Variants in TENM3 observed in about 807,000 individuals in gnomAD.
The protein encoded by TENM3 is teneurin-3.
TENM3 carries 63 observed loss-of-function variants against 255.1 expected under a neutral mutation model. The ratio of observed to expected loss-of-function variants is 0.25; its 90% CI spans 0.20 to 0.30. The LOEUF (loss-of-function observed/expected upper bound fraction) is 0.30. Ranked by LOEUF, TENM3 falls within the 10% of genes least tolerant of loss-of-function variation. The pLI is 1.00. For synonymous variants in TENM3, 1,306 were observed against 1,322.3 expected, an observed-to-expected ratio of 0.99 and a Z score of 0.27; for missense variants, 2,929 against 3,461.1, an observed-to-expected ratio of 0.85 and a Z score of 3.86.
chr4:182,326,000 C>T (rs1226679184), intron 2 of TENM3, among the ~76,000 whole-genome samples: 2 of 152,142 alleles, frequency 1.3e-5, no homozygotes, highest in Non-Finnish European at 1.5e-5. Flanking sequence ...TTTGTAGAAG[C>T]CCTGAAACGG....
At chr4:181,605,820 T>G in the TENM3 span, among the ~76,000 whole-genome samples, 1 of 152,318 alleles carries the variant, frequency 6.6e-6, no homozygotes, top group African/African-American at 2.4e-5. Flanking sequence ...AGTTAGCAGT[T>G]AAAATCTTTT....
the TENM3 span, among the ~76,000 whole-genome samples, chr4:182,003,556 A>G: frequency 3.9e-5 from 6 of 152,044 alleles, no homozygotes; most frequent in African/African-American, 1.4e-4. Context: ...TAATGATTTG[A>G]TTTTTTTGCA....
intron 3 of TENM3, among the ~76,000 whole-genome samples, chr4:182,372,087 A>G (rs1278879671): frequency 6.6e-6 from 1 of 152,216 alleles, no homozygotes; most frequent in Non-Finnish European, 1.5e-5. Context: ...ATTAACAAAA[A>G]TAACTTGCTA....
At chr4:181,698,807 T>G in the TENM3 span, among the ~76,000 whole-genome samples, 2 of 152,236 alleles carry the variant, frequency 1.3e-5, no homozygotes, top group Non-Finnish European at 2.9e-5. Context: ...ATTTAAAAAG[T>G]GATTTTCAAT....
chr4:181,616,055 C>CA, the TENM3 span, among the ~76,000 whole-genome samples: 18 of 151,788 alleles, frequency 1.2e-4, no homozygotes, highest in East Asian at 2.1e-3. Context: ...GTTTCCCCCC[C>CA]ACACTTTGGC....
chr4:181,605,635 AG>A, the TENM3 span, among the ~76,000 whole-genome samples: 12 of 152,232 alleles, frequency 7.9e-5, no homozygotes, highest in Non-Finnish European at 1.6e-4. Context: ...CAAGCAAACC[AG>A]CACCACATAT....
chr4:181,772,733 A>T, the TENM3 span, among the ~76,000 whole-genome samples: 3 of 152,208 alleles, frequency 2.0e-5, no homozygotes, highest in Non-Finnish European at 4.4e-5. Context: ...AACCAAATGA[A>T]ATCACGTCAT....
chr4:182,595,305 C>T lies in TENM3; in HGVS notation c.512-5619C>T, dbSNP rs529763853. Among the ~76,000 whole-genome samples, 92 of 152,016 alleles carry T rather than the reference C, an allele frequency of 6.1e-4. 1 individual carries two copies. The South Asian group carries it at 0.01, about 17-fold the overall frequency. The stretch of plus-strand genomic sequence containing the variant: ...CTTACATTTGCTTGGAACTGGGGGC[C>T]GGTAAGCTGCTTACACTGTAATCTA... On this transcript the variant is annotated intron_variant, in intron 3 of 27. Transcript: ENST00000511685.
At chr4:182,081,944 A>C in the TENM3 span, 2 of 152,240 alleles carry the variant, frequency 1.3e-5, no homozygotes, top group African/African-American at 4.8e-5. Flanking sequence ...TGATGATACC[A>C]AAACCCTATT....
chr4:182,080,206 AC>A, the TENM3 span, among the ~76,000 whole-genome samples: 1 of 152,192 alleles, frequency 6.6e-6, no homozygotes, highest in Non-Finnish European at 1.5e-5. Flanking sequence ...AAATAGTTCC[AC>A]CTGAGGCCAG....
intron 3 of TENM3, among the ~76,000 whole-genome samples, chr4:182,450,003 T>C (rs1271026004): frequency 6.6e-6 from 1 of 152,210 alleles, no homozygotes; most frequent in Non-Finnish European, 1.5e-5. Context: ...GAATATCTTA[T>C]AAATGATATA....
At chr4:182,223,675 A>G (rs906835857) in intron 1 of TENM3, among the ~76,000 whole-genome samples, 12 of 151,228 alleles carry the variant, frequency 7.9e-5, no homozygotes, top group South Asian at 2.1e-4. Flanking sequence ...TTAAATCTTC[A>G]TAGTTGATCT....
intron 5 of TENM3, among the ~76,000 whole-genome samples, chr4:182,640,641 A>C (rs1187082092): frequency 1.3e-5 from 2 of 152,210 alleles, no homozygotes; most frequent in Non-Finnish European, 2.9e-5. Context: ...TAAAATAAGA[A>C]AGTGGGCCAT....
chr4:182,218,120 C>A (rs879899899), intron 1 of TENM3, among the ~76,000 whole-genome samples: 6 of 152,090 alleles, frequency 3.9e-5, no homozygotes, highest in Non-Finnish European at 7.4e-5. Flanking sequence ...AGTTCCTTGC[C>A]CAAAATCACA....
rs1766935926 is a variant in TENM3, at chr4:182,801,212, AAC to A, written c.*863_*864del. The A allele has an allele frequency of 6.6e-6, 1 of 152,634 alleles. No individual in the cohort carries two copies. Among genetic ancestry groups the A allele is most frequent in the Non-Finnish European group, 1.5e-5 (1 of 68,036 alleles). The allele number at this position is 152,634 out of a possible 1,614,324, so 9.5% of individuals were successfully genotyped here. On this transcript the variant is annotated 3_prime_UTR_variant, in exon 28 of 28. Coordinates refer to ENST00000511685, the MANE Select transcript of TENM3 (RefSeq NM_001080477.4). ...ATGAATTATTATATTGTAGAGATAT[AAC>A]AACTTATGCCTATAATGTCCAGAAG... is the stretch of plus-strand genomic sequence containing the variant.
chr4:181,959,069 C>T, the TENM3 span, among the ~76,000 whole-genome samples: 3 of 152,076 alleles, frequency 2.0e-5, no homozygotes, highest in African/African-American at 7.2e-5. Context: ...TTTGGTGAAT[C>T]GATTATTATT....
intron 1 of TENM3, among the ~76,000 whole-genome samples, chr4:182,272,739 C>T (rs775083397): frequency 1.3e-5 from 2 of 152,198 alleles, no homozygotes; most frequent in East Asian, 3.9e-4. Flanking sequence ...TCCCTACCCT[C>T]ATGGAGTTTA....
the TENM3 span, among the ~76,000 whole-genome samples, chr4:181,495,257 C>T: frequency 6.6e-6 from 1 of 152,128 alleles, no homozygotes; most frequent in African/African-American, 2.4e-5. Context: ...GTCTGGGCTA[C>T]AAACTAAAGG....
chr4:181,769,114 C>T, the TENM3 span, among the ~76,000 whole-genome samples: 2 of 152,060 alleles, frequency 1.3e-5, no homozygotes. Context: ...AGGGTAGCCA[C>T]GATTTTAAGG....
Sources: allele counts gnomAD v4.1 joint callset (sites outside exome capture counted in the v4.1 genomes callset), GRCh38; gene constraint gnomAD v4.1.1; transcripts MANE v1.5; gene names NCBI Gene and HGNC (gene_info 2026-07-23, HGNC 2026-07-21).